Variants in PHKA1 observed in about 807,000 individuals in gnomAD.
PHKA1 encodes phosphorylase b kinase regulatory subunit alpha, skeletal muscle isoform.
A neutral mutation model predicts 110.2 loss-of-function variants in PHKA1; 60 were observed. That is an observed-to-expected ratio of 0.54 (90% confidence interval 0.44 to 0.68). The LOEUF (loss-of-function observed/expected upper bound fraction) is 0.68, where lower values mean the gene tolerates loss of function less well. PHKA1 is among the 30% of genes least tolerant of loss of function. The probability of loss-of-function intolerance (pLI) is 0.00; values close to 1 mark genes in which losing one functional copy is unlikely to be tolerated. For missense variants in PHKA1, 801 were observed against 942.5 expected (o/e 0.85, Z 1.97); for synonymous variants, 316 against 333.6 (o/e 0.95, Z 0.58).
chrX:72,642,128 T>C (rs1313937963), intron 14 of PHKA1, among the ~76,000 whole-genome samples: 1 of 112,084 alleles, frequency 8.9e-6, no homozygotes, highest in Non-Finnish European at 1.9e-5. Context: ...ATTAAGTTTT[T>C]ATTTCCTTTG....
Position 72,580,915 on chromosome X carries a change from T to C in PHKA1, c.*87A>G, listed in dbSNP as rs1358908762. 20 of 858,640 alleles carry C rather than the reference T, an allele frequency of 2.3e-5. No individual in the cohort carries two copies. Among genetic ancestry groups the C allele is most frequent in the Non-Finnish European group, 3.4e-5 (20 of 590,152 alleles). The allele number at this position is 858,640 out of a possible 1,213,427, so 70.8% of individuals were successfully genotyped here. ...CAGAAAGGGGCAGGGTTGGAGTGAT[T>C]AGGCAATAACATTTTAGTTCCATGC... On this transcript the variant is annotated 3_prime_UTR_variant, in exon 32 of 32. Coordinates refer to ENST00000373542, the MANE Select transcript of PHKA1 (RefSeq NM_002637.4).
intron 10 of PHKA1, among the ~76,000 whole-genome samples, chrX:72,655,051 C>A (rs1315178122): frequency 9.0e-6 from 1 of 110,542 alleles, no homozygotes; most frequent in Admixed American, 9.4e-5. Flanking sequence ...CCCGCCTCGG[C>A]CTCCCAAAGT....
chrX:72,639,618 T>G lies in PHKA1; in HGVS notation c.1460-3232A>C, dbSNP rs782027864. 2.7e-5 allele frequency among the ~76,000 whole-genome samples: 3 copies of G among 111,978 alleles called. No individual in the cohort carries two copies. In the South Asian group the frequency reaches 1.1e-3, roughly 42 times the overall value. ...GTCAAAGACATGTGCATTACATTTT[T>G]TTATAGGTAATGCCTACCTGCCTCT... On this transcript the variant is annotated intron_variant, in intron 14 of 31. Transcript: ENST00000373542.
intron 28 of PHKA1, among the ~76,000 whole-genome samples, chrX:72,599,412 C>T (rs1239409887): frequency 9.0e-6 from 1 of 111,310 alleles, no homozygotes; most frequent in Admixed American, 9.6e-5. Flanking sequence ...AACTGGCACT[C>T]AATTAATATT....
chrX:72,606,362 A>G (rs183993398), intron 23 of PHKA1, among the ~76,000 whole-genome samples: 1 of 109,769 alleles, frequency 9.1e-6, no homozygotes, highest in Non-Finnish European at 1.9e-5. Flanking sequence ...ATGCACACAC[A>G]CACACACACA....
chrX:72,669,696 C>T (rs1218079914), intron 6 of PHKA1, among the ~76,000 whole-genome samples: 7 of 109,217 alleles, frequency 6.4e-5, no homozygotes, highest in African/African-American at 2.3e-4. Flanking sequence ...CATGTCCCTA[C>T]AAAGGACATG....
At chrX:72,657,378 C>A (rs1473535259) in intron 9 of PHKA1, among the ~76,000 whole-genome samples, 1 of 112,180 alleles carries the variant, frequency 8.9e-6, no homozygotes, top group Non-Finnish European at 1.9e-5. Flanking sequence ...AGGACTACAC[C>A]TTCCTCTATT....
At position 72,588,984 on chromosome X, in the gene PHKA1, G is replaced by A. The variant is rs1248995786; in HGVS notation, c.3243+4120C>T. 3.6e-5 allele frequency among the ~76,000 whole-genome samples: 4 copies of A among 111,592 alleles called. No homozygotes were observed. The East Asian group carries it at 8.4e-4, about 23-fold the overall frequency. On this transcript the variant is annotated intron_variant, in intron 29 of 31. Transcript: ENST00000373542. Reference sequence around the variant, plus strand: ...TCCAGGACCAGAGGGATTCACAGCCGAATTCTACCAGAGGTACAGAGAGGA... The same window carrying A: ...TCCAGGACCAGAGGGATTCACAGCCAAATTCTACCAGAGGTACAGAGAGGA...
At chrX:72,673,084 ATT>A (rs369859370) in intron 6 of PHKA1, among the ~76,000 whole-genome samples, 1 of 105,454 alleles carries the variant, frequency 9.5e-6, no homozygotes, top group African/African-American at 3.4e-5. Context: ...GATCAAAAGG[ATT>A]TTTTTTTTTT....
chrX:72,695,035 T>G (rs910820597), intron 4 of PHKA1, among the ~76,000 whole-genome samples: 2 of 111,652 alleles, frequency 1.8e-5, no homozygotes, highest in Non-Finnish European at 3.8e-5. Context: ...TCATCAAATA[T>G]TTATTTCTAT....
intron 6 of PHKA1, among the ~76,000 whole-genome samples, chrX:72,674,807 T>C (rs1037648980): frequency 2.7e-5 from 3 of 111,865 alleles, no homozygotes; most frequent in Non-Finnish European, 5.6e-5. Flanking sequence ...TATTAAATAC[T>C]GTATAGCAGC....
intron 4 of PHKA1, among the ~76,000 whole-genome samples, chrX:72,685,677 TAC>T (rs1556318601): frequency 8.9e-6 from 1 of 112,061 alleles, no homozygotes; most frequent in African/African-American, 3.2e-5. Context: ...TATTACTGTT[TAC>T]ATATGAAAGA....
At position 72,636,296 on chromosome X, in the gene PHKA1, A is replaced by G; in HGVS notation, c.1550T>C (p.Ile517Thr). The change falls in exon 15 of 32, where the codon ATC becomes ACC. Residue 517 changes from isoleucine to threonine, a missense_variant. Around this residue, in one of 2 missense-constraint regions of PHKA1, gnomAD observed 299 missense variants for 423.3 expected, o/e 0.71. Transcript: ENST00000373542. The stretch of plus-strand genomic sequence containing the variant: ...ACCCACCTGTGGAGTGAAAGTAAAG[A>G]TAGTTTTCCGAATGTCATAGAGTTT... ...TSKLYDIRKTIFTFTPQFIDQ... is the reference protein window; with the variant it reads ...TSKLYDIRKTTFTFTPQFIDQ... The G allele has an allele frequency of 8.4e-7, 1 of 1,186,245 alleles. No homozygotes were observed.
At chrX:72,699,878 G>A (rs1245641968) in intron 3 of PHKA1, among the ~76,000 whole-genome samples, 3 of 111,922 alleles carry the variant, frequency 2.7e-5, no homozygotes, top group East Asian at 2.8e-4. Context: ...AGGGACTATC[G>A]TGGAAGAAGA....
intron 2 of PHKA1, chrX:72,707,814 A>G (rs2054313665): frequency 8.9e-6 from 1 of 111,792 alleles, no homozygotes; most frequent in Non-Finnish European, 1.9e-5. Context: ...ACATATAAAC[A>G]TTTTGTACCA....
At position 72,681,450 on chromosome X, in the gene PHKA1, G is replaced by T. The variant is rs1194935569; in HGVS notation, c.537+3048C>A. ...GCCCCATCCGGGAGGGAGGTGGGGGGGTCAGCCCCCCCGCCCGGCCAGCCG... is the reference window on the plus strand; with the variant it reads ...GCCCCATCCGGGAGGGAGGTGGGGGTGTCAGCCCCCCCGCCCGGCCAGCCG... On this transcript the variant is annotated intron_variant, in intron 5 of 31. Transcript: ENST00000373542. Among the ~76,000 whole-genome samples, 42 of 104,516 alleles carry T rather than the reference G, an allele frequency of 4.0e-4. No homozygotes were observed. In the East Asian group the frequency reaches 0.017, roughly 41 times the overall value. The allele number at this position is 104,516 out of a possible 115,157, so 90.8% of individuals were successfully genotyped here. A position where few individuals can be genotyped will look rare whatever the true frequency, so the allele number is the denominator to read the frequency against.
At chrX:72,656,966 G>A (rs2053504391) in intron 9 of PHKA1, among the ~76,000 whole-genome samples, 1 of 111,431 alleles carries the variant, frequency 9.0e-6, no homozygotes, top group Non-Finnish European at 1.9e-5. Flanking sequence ...AAGAGTTTGA[G>A]CTCGATGATT....
At chrX:72,631,445 G>A (rs782130283) in intron 16 of PHKA1, among the ~76,000 whole-genome samples, 4 of 110,861 alleles carry the variant, frequency 3.6e-5, no homozygotes, top group Non-Finnish European at 5.7e-5. Context: ...CTGTGCAAGC[G>A]TGGAAGTCTA....
At chrX:72,672,320 C>T (rs1405541182) in intron 6 of PHKA1, among the ~76,000 whole-genome samples, 1 of 111,759 alleles carries the variant, frequency 8.9e-6, no homozygotes, top group East Asian at 2.8e-4. Context: ...TCTGAAATGC[C>T]TTGGGGTCTT....
Sources: gnomAD v4.1 joint callset for allele counts (sites outside exome capture counted in the v4.1 genomes callset) on GRCh38, gnomAD v4.1.1 for gene constraint, gnomAD v4.1.1 regional missense constraint, MANE v1.5 for transcripts, NCBI Gene and HGNC (gene_info 2026-07-23, HGNC 2026-07-21) for gene names.